The following ARMH4 variants were observed in gnomAD, a reference collection of about 807,000 sequenced individuals.
ARMH4 encodes armadillo like helical domain containing 4, also known as armadillo-like helical domain-containing protein 4.
Under a neutral mutation model 61.9 loss-of-function variants are expected in ARMH4, and 49 were observed. That is an observed-to-expected ratio of 0.79 (90% confidence interval 0.63 to 1.00). The LOEUF is 1.00. Ranked by LOEUF, ARMH4 falls within the 50% of genes least tolerant of loss-of-function variation. ARMH4 has a pLI of 0.00. For missense variants in ARMH4, 934 were observed against 930.0 expected, an observed-to-expected ratio of 1.00 and a Z score of -0.06; for synonymous variants, 368 against 341.5, an observed-to-expected ratio of 1.08 and a Z score of -0.85.
At chr14:58,141,679 C>T (rs1223925187) in intron 1 of ARMH4, 1 of 346,742 alleles carries the variant, frequency 2.9e-6, no homozygotes, top group Non-Finnish European at 5.5e-6. Context: ...CTCTTCCTTC[C>T]TTGAAGGGCA....
chr14:58,111,427 A>G (rs1204692036), intron 4 of ARMH4, among the ~76,000 whole-genome samples: 1 of 152,238 alleles, frequency 6.6e-6, no homozygotes, highest in Non-Finnish European at 1.5e-5. Flanking sequence ...GCTTTCAGCA[A>G]ACTAAGAAGG....
chr14:58,138,976 G>C lies in ARMH4; in HGVS notation c.383C>G (p.Ser128Cys). ...AGGAGATATTCTCTCTGGCTGGCTG[G>C]AACCAAATACTTCTTCAGCTGAGGG... Reference protein sequence around the residue: ...GVPSAEEVFGSSQPERISPES... With the variant: ...GVPSAEEVFGCSQPERISPES... Residue 128 changes from serine to cysteine, a missense_variant, in exon 2 of 8, where the codon TCC becomes TGC. By Grantham distance (112) the Ser-to-Cys change is moderately radical (BLOSUM62 -1). Coordinates refer to ENST00000267485, the MANE Select transcript of ARMH4 (RefSeq NM_001001872.4). 1 of 1,614,208 alleles carries C rather than the reference G, an allele frequency of 6.2e-7. No homozygotes were observed. Among genetic ancestry groups the C allele is most frequent in the Non-Finnish European group, 8.5e-7 (1 of 1,180,042 alleles).
intron 6 of ARMH4, 94 bp downstream of exon 6, chr14:58,012,025 T>C (rs1882427137): frequency 2.2e-6 from 2 of 890,682 alleles, no homozygotes; most frequent in African/African-American, 1.8e-5. Flanking sequence ...AGAATCAGAA[T>C]AATAAACCAA....
Position 58,138,547 on chromosome 14 carries a change from T to C in ARMH4, c.812A>G (p.Lys271Arg). The stretch of plus-strand genomic sequence containing the variant: ...GTACTCGGAAGTTTCGAGTGGTTGC[T>C]TGGTGGCAGCAGCCTGGGTGTTATC... ...TADNTQAAAT[K>R]QPLETSEYTL... is the part of the protein sequence containing the mutation. Residue 271 changes from lysine (K) to arginine (R), a missense_variant, in exon 2 of 8, where the codon AAG becomes AGG. By Grantham distance (26) the Lys-to-Arg change is conservative. Transcript: ENST00000267485. 1 of 1,614,224 alleles carries C rather than the reference T, an allele frequency of 6.2e-7. No homozygotes were observed. Among genetic ancestry groups the C allele is most frequent in the Admixed American group, 1.7e-5 (1 of 60,028 alleles).
intron 5 of ARMH4, among the ~76,000 whole-genome samples, chr14:58,069,018 AAAAAG>A (rs1170859804): frequency 6.6e-6 from 1 of 151,984 alleles, no homozygotes; most frequent in Non-Finnish European, 1.5e-5. Flanking sequence ...AAAAAAAAAA[AAAAAG>A]AGAGACAGAG....
intron 1 of ARMH4, among the ~76,000 whole-genome samples, chr14:58,151,768 A>T (rs1594788672): frequency 6.6e-6 from 1 of 152,234 alleles, no homozygotes; most frequent in African/African-American, 2.4e-5. Context: ...AAGCTCCGCC[A>T]GCACAAAGGC....
At chr14:58,064,065 C>CTTACATGTTT (rs1566563694) in intron 5 of ARMH4, among the ~76,000 whole-genome samples, 16 of 149,988 alleles carry the variant, frequency 1.1e-4, no homozygotes, top group African/African-American at 2.8e-4. Context: ...CTTACAATAT[C>CTTACATGTTT]AACAATAGGT....
chr14:58,054,856 A>G (rs2141205609), intron 5 of ARMH4, among the ~76,000 whole-genome samples: 1 of 143,858 alleles, frequency 7.0e-6, no homozygotes, highest in South Asian at 2.3e-4. Context: ...TGTGCAAGAG[A>G]AGGACTCTGT....
intron 1 of ARMH4, among the ~76,000 whole-genome samples, chr14:58,145,644 T>C (rs924188363): frequency 5.9e-5 from 9 of 152,270 alleles, no homozygotes; most frequent in Non-Finnish European, 1.0e-4. Flanking sequence ...AATTCTGCTA[T>C]TGCTCCAAAA....
intron 5 of ARMH4, among the ~76,000 whole-genome samples, chr14:58,076,020 ATAAG>A (rs1225608598): frequency 6.6e-6 from 1 of 151,482 alleles, no homozygotes; most frequent in Non-Finnish European, 1.5e-5. Context: ...AGGAAGAAGA[ATAAG>A]AAAGAAGGAA....
In ARMH4 at chr14:58,096,748, A is replaced by G. The variant is rs1885762991; in HGVS notation, c.2065T>C (p.Trp689Arg). 1.2e-6 allele frequency: 2 copies of G among 1,613,646 alleles called. No homozygotes were observed. Among genetic ancestry groups the G allele is most frequent in the African/African-American group, 2.7e-5 (2 of 74,814 alleles). Residue 689 changes from tryptophan (W) to arginine (R), a missense_variant, in exon 5 of 8, where the codon TGG becomes CGG. Physicochemically the swap from Trp to Arg is moderately radical, Grantham distance 101 (BLOSUM62 -3). Transcript: ENST00000267485. ...CCCAGGCCTTGATTCTGCTGTTCCC[A>G]CTCGAGGGCATCTGGCACCTGGTAG... ...ATYQVPDALE[W>R]EQQNQGLVRS...
intron 5 of ARMH4, among the ~76,000 whole-genome samples, chr14:58,012,979 CATTG>C (rs1882463147): frequency 6.6e-6 from 1 of 152,224 alleles, no homozygotes; most frequent in Admixed American, 6.5e-5. Flanking sequence ...AATGTTTCAA[CATTG>C]AATGAAGATT....
At chr14:58,108,505 G>A (rs532114367) in intron 4 of ARMH4, among the ~76,000 whole-genome samples, 2 of 152,138 alleles carry the variant, frequency 1.3e-5, no homozygotes, top group South Asian at 4.2e-4. Flanking sequence ...GCTATATTTG[G>A]GGACTTTCTT....
rs1316092551 is a variant in ARMH4, at chr14:58,138,045, A to C, written c.1314T>G (p.Val438=). ...CCTCAGACTCATATACAGAGACAGA[A>C]ACAGTGGTTTCTAAGAAAAACAGGG... The part of the protein sequence containing the change: ...NDALFFLETT[V]SVSVYESEAD... The change falls in exon 2 of 8, where the codon GTT becomes GTG. Residue 438 remains valine (V), a synonymous_variant. Transcript: ENST00000267485. The C allele has an allele frequency of 5.0e-6, 8 of 1,614,236 alleles. No homozygotes were observed. The highest frequency in any genetic ancestry group is 6.8e-6 in the Non-Finnish European group (8 of 1,180,046).
chr14:58,090,067 T>C (rs953799380), intron 5 of ARMH4, among the ~76,000 whole-genome samples: 1 of 152,220 alleles, frequency 6.6e-6, no homozygotes, highest in Non-Finnish European at 1.5e-5. Flanking sequence ...TAATTGAGCA[T>C]CATGTTTGTT....
chr14:58,054,659 A>G (rs1884262950), intron 5 of ARMH4, among the ~76,000 whole-genome samples: 1 of 152,208 alleles, frequency 6.6e-6, no homozygotes. Flanking sequence ...ACACTTTGGC[A>G]GGCTGAGGCA....
chr14:58,138,421 T>C lies in ARMH4; in HGVS notation c.938A>G (p.Glu313Gly), dbSNP rs145514205. Reference protein sequence around the residue: ...AVPAASALSDEWDDTKLESVS... With the variant: ...AVPAASALSDGWDDTKLESVS... ...ACTCTCTAATTTGGTGTCATCCCAC[T>C]CATCACTTAAGGCAGAGGCAGCTGG... The change falls in exon 2 of 8, where the codon GAG (glutamate) becomes GGG (glycine). Residue 313 changes from glutamate (E) to glycine (G), a missense_variant. By Grantham distance (98) the Glu-to-Gly change is moderately conservative (BLOSUM62 -2). Coordinates refer to ENST00000267485, the MANE Select transcript of ARMH4 (RefSeq NM_001001872.4). 2 of 1,614,108 alleles carry C rather than the reference T, an allele frequency of 1.2e-6. No individual in the cohort carries two copies. Among genetic ancestry groups the C allele is most frequent in the Non-Finnish European group, 1.7e-6 (2 of 1,180,048 alleles).
At chr14:58,034,143 C>T (rs1443437517) in intron 5 of ARMH4, among the ~76,000 whole-genome samples, 1 of 133,868 alleles carries the variant, frequency 7.5e-6, no homozygotes, top group South Asian at 2.4e-4. Flanking sequence ...ATGTTAAGGG[C>T]AGCCAGAGAG....
rs577586697 is a variant in ARMH4, at chr14:58,108,181, C to G, written c.1832-11200G>C. Among the ~76,000 whole-genome samples, 9 of 152,082 alleles carry G rather than the reference C, an allele frequency of 5.9e-5. 1 individual carries two copies. Among genetic ancestry groups the G allele is most frequent in the Non-Finnish European group, 1.3e-4 (9 of 68,020 alleles). On this transcript the variant is annotated intron_variant, in intron 4 of 7. Coordinates refer to ENST00000267485, the MANE Select transcript of ARMH4 (RefSeq NM_001001872.4). The stretch of plus-strand genomic sequence containing the variant: ...CAGGATCATAAGGTTCTAAGGGATA[C>G]CAGAATTTTCTGAAATAACTACCAC...
Sources: gnomAD v4.1 joint callset for allele counts (sites outside exome capture counted in the v4.1 genomes callset) on GRCh38, gnomAD v4.1.1 for gene constraint, MANE v1.5 for transcripts, NCBI Gene and HGNC (gene_info 2026-07-23, HGNC 2026-07-21) for gene names.